The following GULP1 variants were observed in gnomAD, a reference collection of about 807,000 sequenced individuals.
GULP1 encodes PTB domain-containing engulfment adapter protein 1.
In GULP1, 19 loss-of-function variants were observed where a neutral mutation model predicts 40.9. That is an observed-to-expected ratio of 0.46 (90% CI 0.32 to 0.68). GULP1 has a LOEUF of 0.68. Ranked by LOEUF, GULP1 falls within the 30% of genes least tolerant of loss-of-function variation. The pLI is 0.03. For missense variants in GULP1, 312 were observed against 362.2 expected, an observed-to-expected ratio of 0.86 and a Z score of 1.12; for synonymous variants, 119 against 117.6, an observed-to-expected ratio of 1.01 and a Z score of -0.08.
rs201593784 is a variant in GULP1 at position 188,574,663 on chromosome 2, AAAC to A, written c.609+4558_609+4560del. ...GACCCTGTCTCAAAAACAAACAAAC[AAAC>A]AACAACAACAACAAAACTTGGCTAG... On this transcript the variant is annotated intron_variant, in intron 9 of 11. Coordinates refer to ENST00000409830, the MANE Select transcript of GULP1 (RefSeq NM_016315.4). 4.5e-3 allele frequency among the ~76,000 whole-genome samples: 682 copies of A among 152,218 alleles called. 8 individuals carry two copies. Among genetic ancestry groups the A allele is most frequent in the African/African-American group, 0.016 (651 of 41,556 alleles).
At chr2:188,522,976 G>A in intron 5 of GULP1, 149 bp downstream of exon 5, 1 of 517,518 alleles carries the variant, frequency 1.9e-6, no homozygotes, top group Non-Finnish European at 3.6e-6. Context: ...ATCATATCAA[G>A]GAAACATTTT....
At chr2:188,386,830 GAA>G (rs1009326304) in intron 2 of GULP1, among the ~76,000 whole-genome samples, 1 of 152,120 alleles carries the variant, frequency 6.6e-6, no homozygotes, top group Non-Finnish European at 1.5e-5. Flanking sequence ...AGTTTAAGTT[GAA>G]AAAAATGAAA....
chr2:188,303,748 C>T (rs147711497), intron 1 of GULP1, among the ~76,000 whole-genome samples: 2 of 152,162 alleles, frequency 1.3e-5, no homozygotes, highest in Admixed American at 1.3e-4. Flanking sequence ...AGACCTCCTA[C>T]ATTACTGTGA....
chr2:188,554,834 A>C (rs957109207), intron 7 of GULP1, among the ~76,000 whole-genome samples: 3 of 152,066 alleles, frequency 2.0e-5, no homozygotes, highest in East Asian at 1.9e-4. Context: ...GGGTGCATAT[A>C]TACTTAGATT....
intron 1 of GULP1, among the ~76,000 whole-genome samples, chr2:188,373,103 T>C (rs2152452179): frequency 6.6e-6 from 1 of 151,136 alleles, no homozygotes; most frequent in Non-Finnish European, 1.5e-5. Flanking sequence ...TATATATTTA[T>C]AATGCATGGC....
rs562878543 is a variant in GULP1, at chr2:188,585,572, A to G, written c.748+1169A>G. 8.5e-5 allele frequency among the ~76,000 whole-genome samples: 13 copies of G among 152,332 alleles called. No individual in the cohort carries two copies. In the East Asian group the frequency reaches 2.5e-3, roughly 29 times the overall value. ...GGCCCAACACCACAGGGAAGCCACC[A>G]AGGCTTAGGGCTTTTACCCCATGAA... On this transcript the variant is annotated intron_variant, in intron 10 of 11. Coordinates refer to ENST00000409830, the MANE Select transcript of GULP1 (RefSeq NM_016315.4).
chr2:188,390,450 T>C (rs546796494), intron 2 of GULP1, among the ~76,000 whole-genome samples: 35 of 152,040 alleles, frequency 2.3e-4, no homozygotes, highest in Admixed American at 2.2e-3. Context: ...TGTCCACTTT[T>C]AGATGGGATT....
chr2:188,300,982 T>G (rs1301193773), intron 1 of GULP1, among the ~76,000 whole-genome samples: 2 of 152,090 alleles, frequency 1.3e-5, no homozygotes, highest in Non-Finnish European at 2.9e-5. Flanking sequence ...CTTATTTGCT[T>G]CCTTCTCCTG....
intron 1 of GULP1, among the ~76,000 whole-genome samples, chr2:188,353,511 T>C (rs2044802721): frequency 6.6e-6 from 1 of 152,074 alleles, no homozygotes; most frequent in African/African-American, 2.4e-5. Flanking sequence ...GAGGAAACAG[T>C]GCTTTGGCAG....
At position 188,292,581 on chromosome 2, in the gene GULP1, G is replaced by A. The variant is rs114211378; in HGVS notation, c.-172+415G>A. 0.019 allele frequency among the ~76,000 whole-genome samples: 2,859 copies of A among 152,166 alleles called. 88 individuals are homozygous for A. Among genetic ancestry groups the A allele is most frequent in the African/African-American group, 0.065 (2,712 of 41,520 alleles). ...GGGGAAACCGTGGATCCGTCCGGCTGAGGGTGCGTGGATCAGACTGGGCTG... is the reference window on the plus strand; with the variant it reads ...GGGGAAACCGTGGATCCGTCCGGCTAAGGGTGCGTGGATCAGACTGGGCTG... On this transcript the variant is annotated intron_variant, in intron 1 of 11. Transcript: ENST00000409830. This position sits in a 1 kb window ranked among gnomAD's most constrained non-coding sequence, Gnocchi z 4.0.
chr2:188,378,115 A>G (rs2048521695), intron 1 of GULP1, among the ~76,000 whole-genome samples: 1 of 152,102 alleles, frequency 6.6e-6, no homozygotes, highest in Non-Finnish European at 1.5e-5. Flanking sequence ...TTATTTCTCA[A>G]AGCAACAGTG....
intron 2 of GULP1, among the ~76,000 whole-genome samples, chr2:188,438,360 T>C (rs1357616321): frequency 1.3e-5 from 2 of 151,414 alleles, no homozygotes; most frequent in African/African-American, 4.8e-5. Flanking sequence ...TATATAGATA[T>C]AGATATATCA....
intron 1 of GULP1, among the ~76,000 whole-genome samples, chr2:188,358,181 A>AAACAACAACAACAACAAC (rs201363968): frequency 6.6e-6 from 1 of 151,688 alleles, no homozygotes; most frequent in Non-Finnish European, 1.5e-5. Flanking sequence ...ACTCCATCTC[A>AAACAACAACAACAACAAC]AACAACAACA....
intron 4 of GULP1, among the ~76,000 whole-genome samples, chr2:188,513,513 A>T (rs931422077): frequency 6.6e-6 from 1 of 152,144 alleles, no homozygotes; most frequent in African/African-American, 2.4e-5. Flanking sequence ...CTTTTATTTT[A>T]ATGTAAATTG....
intron 1 of GULP1, among the ~76,000 whole-genome samples, chr2:188,296,372 T>C (rs1373174611): frequency 1.3e-5 from 2 of 152,078 alleles, no homozygotes; most frequent in East Asian, 3.9e-4. Context: ...CAGGCCCTTG[T>C]TATTTGCGAG....
At chr2:188,519,977 G>A (rs2065576385) in intron 4 of GULP1, among the ~76,000 whole-genome samples, 1 of 152,182 alleles carries the variant, frequency 6.6e-6, no homozygotes, top group East Asian at 1.9e-4. Flanking sequence ...ACGCCCCTAT[G>A]ATTCTGTCAT....
At chr2:188,425,014 T>C (rs1448857166) in intron 2 of GULP1, among the ~76,000 whole-genome samples, 3 of 152,052 alleles carry the variant, frequency 2.0e-5, no homozygotes, top group African/African-American at 7.2e-5. Context: ...TGTTTCTTTT[T>C]TTCGATATTA....
At chr2:188,498,386 T>A (rs967837885) in intron 4 of GULP1, among the ~76,000 whole-genome samples, 2 of 151,898 alleles carry the variant, frequency 1.3e-5, no homozygotes, top group Non-Finnish European at 2.9e-5. Context: ...CTATAGAACA[T>A]CTGGGTTAGA....
intron 1 of GULP1, among the ~76,000 whole-genome samples, chr2:188,354,056 A>G (rs1233512326): frequency 6.6e-6 from 1 of 152,060 alleles, no homozygotes; most frequent in Non-Finnish European, 1.5e-5. Flanking sequence ...AGCATGAGAT[A>G]CTGGAAATTC....
Sources: allele counts gnomAD v4.1 joint callset (sites outside exome capture counted in the v4.1 genomes callset), GRCh38; gene constraint gnomAD v4.1.1; non-coding constraint Gnocchi (gnomAD v3.1); transcripts MANE v1.5; gene names NCBI Gene and HGNC (gene_info 2026-07-23, HGNC 2026-07-21).